Variants in ITPR1 observed in about 807,000 individuals in gnomAD.
ITPR1 encodes the protein inositol 1,4,5-trisphosphate-gated calcium channel ITPR1.
Under a neutral mutation model 318.4 loss-of-function variants are expected in ITPR1, and 96 were observed. That is an observed-to-expected ratio of 0.30 (90% confidence interval 0.26 to 0.36). ITPR1 has a LOEUF of 0.36. Among genes scored for constraint, ITPR1 ranks in the 10% least tolerant of loss-of-function variants. ITPR1 has a pLI of 1.00. For missense variants in ITPR1, 2,440 were observed against 3,460.2 expected (o/e 0.71, Z 7.40); for synonymous variants, 1,312 against 1,289.9 (o/e 1.02, Z -0.37).
At chr3:4,503,980 A>G (rs114729168) in intron 2 of ITPR1, among the ~76,000 whole-genome samples, 11 of 152,002 alleles carry the variant, frequency 7.2e-5, no homozygotes, top group Admixed American at 5.2e-4. Flanking sequence ...CCTGTGGTCT[A>G]TCTTTGGGCA....
chr3:4,806,044 C>T (rs2048532205), intron 54 of ITPR1, 59 bp from the exon 55 acceptor site: 1 of 1,400,264 alleles, frequency 7.1e-7, no homozygotes, highest in Admixed American at 2.1e-5. Flanking sequence ...GCTCTCGTTG[C>T]TCTCATGAAG....
chr3:4,619,817 C>T (rs1243584031), intron 4 of ITPR1, among the ~76,000 whole-genome samples: 1 of 139,158 alleles, frequency 7.2e-6, no homozygotes, highest in Non-Finnish European at 1.6e-5. Context: ...TCTGCCCTCC[C>T]CTCCCCTCCT....
At chr3:4,519,956 G>C (rs1406163524) in intron 3 of ITPR1, among the ~76,000 whole-genome samples, 1 of 152,070 alleles carries the variant, frequency 6.6e-6, no homozygotes, top group Non-Finnish European at 1.5e-5. Flanking sequence ...GGAGAAGGTG[G>C]GGCTCTTACC....
intron 36 of ITPR1, among the ~76,000 whole-genome samples, chr3:4,704,591 C>A (rs1014080466): frequency 6.6e-6 from 1 of 152,006 alleles, no homozygotes; most frequent in African/African-American, 2.4e-5. Context: ...CTTGTTGAGG[C>A]CAAAGGAAAC....
rs1033898442 is a variant in ITPR1 at position 4,499,947 on chromosome 3, T to C, written c.-17+5441T>C. ...GCTCTGTAAACTTTGCTTAGGTGGG[T>C]GTGAGATGTTGGATGTCTACTCTTG... is the stretch of plus-strand genomic sequence containing the variant. On this transcript the variant is annotated intron_variant, in intron 2 of 61. Coordinates refer to ENST00000649015, the MANE Select transcript of ITPR1 (RefSeq NM_001378452.1). Among the ~76,000 whole-genome samples the C allele has an allele frequency of 1.4e-4, 22 of 151,994 alleles. 1 individual carries two copies. The highest frequency in any genetic ancestry group is 6.6e-5 in the Admixed American group (1 of 15,260).
chr3:4,543,233 G>A (rs895288274), intron 4 of ITPR1, among the ~76,000 whole-genome samples: 1 of 151,054 alleles, frequency 6.6e-6, no homozygotes, highest in East Asian at 1.9e-4. Flanking sequence ...CTGCACTGCA[G>A]CCTGGGCGAC....
At position 4,806,275 on chromosome 3, in the gene ITPR1, C is replaced by G. The variant is rs1009259804; in HGVS notation, c.7272+8C>G. On this transcript the variant is annotated splice_region_variant and intron_variant, in intron 55 of 61. Coordinates refer to ENST00000649015, the MANE Select transcript of ITPR1 (RefSeq NM_001378452.1). Reference sequence around the variant, plus strand: ...TTCTTCTACAGTCTGCTGGTGAGTACCTGGTGTGGAAATATTTTATGTGTG... The same window carrying G: ...TTCTTCTACAGTCTGCTGGTGAGTAGCTGGTGTGGAAATATTTTATGTGTG... The G allele has an allele frequency of 1.2e-6, 2 of 1,612,816 alleles. No homozygotes were observed. The highest frequency in any genetic ancestry group is 1.7e-6 in the Non-Finnish European group (2 of 1,178,886).
chr3:4,665,481 A>G (rs1332539384), intron 17 of ITPR1, among the ~76,000 whole-genome samples, 185 bp downstream of exon 17: 2 of 152,190 alleles, frequency 1.3e-5, no homozygotes, highest in Non-Finnish European at 2.9e-5. Flanking sequence ...TCGTTAAGAA[A>G]CGTACTGGAG....
At chr3:4,823,638 AAGAT>A (rs1296609746) in intron 60 of ITPR1, among the ~76,000 whole-genome samples, 4 of 152,206 alleles carry the variant, frequency 2.6e-5, no homozygotes, top group Non-Finnish European at 5.9e-5. Flanking sequence ...GGCAAGTGGA[AAGAT>A]AGATAACAGA....
chr3:4,819,790 T>C (rs922257521), intron 60 of ITPR1, among the ~76,000 whole-genome samples: 1 of 151,988 alleles, frequency 6.6e-6, no homozygotes, highest in Non-Finnish European at 1.5e-5. Context: ...ACTAGGGTCA[T>C]AGATTAGCAG....
chr3:4,749,286 A>T (rs556772964), intron 44 of ITPR1: 12 of 152,272 alleles, frequency 7.9e-5, no homozygotes, highest in African/African-American at 2.9e-4. Flanking sequence ...CTCACATTGG[A>T]TACCCAATTC....
At chr3:4,800,270 A>G (rs915003994) in intron 53 of ITPR1, 155 bp from the exon 54 acceptor site, 9 of 626,250 alleles carry the variant, frequency 1.4e-5, no homozygotes, top group Non-Finnish European at 2.4e-5. Flanking sequence ...TGCTGATGGG[A>G]CTGGTTATGG....
intron 4 of ITPR1, among the ~76,000 whole-genome samples, chr3:4,521,491 A>G (rs2082561891): frequency 6.6e-6 from 1 of 152,222 alleles, no homozygotes; most frequent in Admixed American, 6.5e-5. Flanking sequence ...GTATCTAATG[A>G]TACCTCACTG....
At chr3:4,506,808 G>C (rs1430723202) in intron 2 of ITPR1, among the ~76,000 whole-genome samples, 1 of 152,152 alleles carries the variant, frequency 6.6e-6, no homozygotes, top group Non-Finnish European at 1.5e-5. Flanking sequence ...TATACAGTGA[G>C]AGTCCTAAGC....
intron 4 of ITPR1, among the ~76,000 whole-genome samples, chr3:4,621,556 C>G (rs1458097345): frequency 6.6e-6 from 1 of 152,172 alleles, no homozygotes; most frequent in African/African-American, 2.4e-5. Flanking sequence ...TATGAAAGCT[C>G]CCTTAGGAGC....
intron 45 of ITPR1, among the ~76,000 whole-genome samples, chr3:4,767,347 C>G (rs760889782): frequency 1.3e-5 from 2 of 152,206 alleles, no homozygotes; most frequent in Non-Finnish European, 2.9e-5. Context: ...AGCAGCATAC[C>G]CCTACTCCCA....
chr3:4,842,898 T>C (rs777057400), intron 61 of ITPR1, among the ~76,000 whole-genome samples: 86 of 152,076 alleles, frequency 5.7e-4, no homozygotes, highest in Admixed American at 1.3e-3. Context: ...ACAAGATATA[T>C]AGATAGTACG....
chr3:4,765,640 G>A lies in ITPR1; in HGVS notation c.5545-890G>A, dbSNP rs113760372. Among the ~76,000 whole-genome samples, 319 of 152,280 alleles carry A rather than the reference G, an allele frequency of 2.1e-3. 2 individuals carry two copies. The highest frequency in any genetic ancestry group is 7.6e-3 in the African/African-American group (314 of 41,542). On this transcript the variant is annotated intron_variant, in intron 44 of 61. Coordinates refer to ENST00000649015, the MANE Select transcript of ITPR1 (RefSeq NM_001378452.1). ...ATTGGCAGAAGATACACTGGAAGAA[G>A]CAAATATATTGTTGGGAGCTTTGTT... is the stretch of plus-strand genomic sequence containing the variant.
chr3:4,797,278 C>T (rs2047961523), intron 53 of ITPR1, among the ~76,000 whole-genome samples: 1 of 151,986 alleles, frequency 6.6e-6, no homozygotes, highest in Admixed American at 6.6e-5. Flanking sequence ...TTCCTATACT[C>T]ACTGCTAACC....
Sources: gnomAD v4.1 joint callset for allele counts (sites outside exome capture counted in the v4.1 genomes callset) on GRCh38, gnomAD v4.1.1 for gene constraint, MANE v1.5 for transcripts, NCBI Gene and HGNC (gene_info 2026-07-23, HGNC 2026-07-21) for gene names.